Variants in MMP15 observed in about 807,000 individuals in gnomAD.
MMP15 encodes matrix metallopeptidase 15.
Under a neutral mutation model 65.0 loss-of-function variants are expected in MMP15, and 36 were observed. The ratio of observed to expected loss-of-function variants is 0.55; its 90% CI spans 0.42 to 0.73. The LOEUF is 0.73. Among genes scored for constraint, MMP15 ranks in the 30% least tolerant of loss-of-function variants. The pLI is 0.00. For missense variants in MMP15, 870 were observed against 987.8 expected (o/e 0.88, Z 1.60); for synonymous variants, 428 against 410.2 (o/e 1.04, Z -0.52).
Position 58,045,105 on chromosome 16 carries a change from A to G in MMP15, c.1669A>G (p.Met557Val). The stretch of plus-strand genomic sequence containing the variant: ...CCCCAAGTCCATCCTGCGGGACTTC[A>G]TGGGCTGCCAGGAGCACGTGGAGCC... ...GYPKSILRDFMGCQEHVEPGP... is the reference protein window; with the variant it reads ...GYPKSILRDFVGCQEHVEPGP... Residue 557 changes from methionine to valine, a missense_variant, in exon 10 of 10, where the codon ATG becomes GTG. Physicochemically the swap from Met to Val is conservative, Grantham distance 21. Transcript: ENST00000219271. 6.2e-7 allele frequency: 1 copy of G among 1,610,696 alleles called. No homozygotes were observed. Among genetic ancestry groups the G allele is most frequent in the Non-Finnish European group, 8.5e-7 (1 of 1,178,688 alleles).
intron 1 of MMP15, among the ~76,000 whole-genome samples, chr16:58,036,565 G>A (rs765484183): frequency 3.9e-5 from 6 of 152,226 alleles, no homozygotes; most frequent in Non-Finnish European, 7.3e-5. Context: ...CTTTTTCCAA[G>A]GCTGTTTTCC....
Position 58,045,474 on chromosome 16 carries a change from C to A in MMP15, c.*28C>A. On this transcript the variant is annotated 3_prime_UTR_variant, in exon 10 of 10. Coordinates refer to ENST00000219271, the MANE Select transcript of MMP15 (RefSeq NM_002428.4). ...ACCCAGCGCTCCTGCTAACGGTGCT[C>A]AGGGGGCGCCTGTGGTTCTGAGATG... 1.4e-6 allele frequency: 2 copies of A among 1,477,160 alleles called. No homozygotes were observed. Among genetic ancestry groups the A allele is most frequent in the South Asian group, 1.4e-5 (1 of 73,090 alleles). The allele number at this position is 1,477,160 out of a possible 1,614,324, so 91.5% of individuals were successfully genotyped here.
Position 58,040,543 on chromosome 16 carries a change from A to C in MMP15, c.755A>C (p.Asn252Thr). The change falls in exon 5 of 10, where the codon AAC becomes ACC. Residue 252 changes from asparagine (N) to threonine (T), a missense_variant. Transcript: ENST00000219271. ...CTCCTTCTCTCCCCAAAAGGAAACA[A>C]CCTCTTCCTGGTGGCAGTGCATGAG... ...TFSSTDLHGN[N>T]LFLVAVHELG... The C allele has an allele frequency of 6.2e-7, 1 of 1,612,656 alleles. No individual in the cohort carries two copies. Among genetic ancestry groups the C allele is most frequent in the Middle Eastern group, 1.8e-4 (1 of 5,702 alleles).
At chr16:58,029,649 G>C (rs955174581) in intron 1 of MMP15, among the ~76,000 whole-genome samples, 10 of 152,224 alleles carry the variant, frequency 6.6e-5, no homozygotes, top group East Asian at 1.9e-4. Flanking sequence ...TCCTTGCAGA[G>C]AACAGCCCAG....
At position 58,041,650 on chromosome 16, in the gene MMP15, C is replaced by T. The variant is rs1484611652; in HGVS notation, c.944C>T (p.Pro315Leu). 1.3e-6 allele frequency: 2 copies of T among 1,581,538 alleles called. No homozygotes were observed. Among genetic ancestry groups the T allele is most frequent in the East Asian group, 2.3e-5 (1 of 42,556 alleles). Residue 315 changes from proline (P) to leucine (L), a missense_variant, in exon 6 of 10, where the codon CCT becomes CTT. Physicochemically the swap from Pro to Leu is moderately conservative, Grantham distance 98 (BLOSUM62 -3). Transcript: ENST00000219271. ...TPDGQPQPTQPLPTVTPRRPG... is the reference protein window; with the variant it reads ...TPDGQPQPTQLLPTVTPRRPG... ...GACGGTCAGCCACAGCCTACCCAGC[C>T]TCTCCCCACTGTGACGCCACGGCGG... is the stretch of plus-strand genomic sequence containing the variant.
chr16:58,044,584 A>T lies in MMP15; in HGVS notation c.1571-423A>T, dbSNP rs41430649. The stretch of plus-strand genomic sequence containing the variant: ...TTGATGGGATGCTGGCAAGGTGCCC[A>T]AGGTCAGAGAGCCAGCCCAAGGCAG... On this transcript the variant is annotated intron_variant, in intron 9 of 9. Coordinates refer to ENST00000219271, the MANE Select transcript of MMP15 (RefSeq NM_002428.4). Among the ~76,000 whole-genome samples the T allele has an allele frequency of 4.1e-3, 627 of 152,312 alleles. 6 individuals carry two copies. The highest frequency in any genetic ancestry group is 0.014 in the African/African-American group (593 of 41,568).
Position 58,044,988 on chromosome 16 carries a change from G to A in MMP15, c.1571-19G>A. The A allele has an allele frequency of 6.2e-7, 1 of 1,613,002 alleles. No individual in the cohort carries two copies. Among genetic ancestry groups the A allele is most frequent in the Non-Finnish European group, 8.5e-7 (1 of 1,179,806 alleles). ...GTTCGGCTCAACCTGAAGCCACTCT[G>A]GCCTCCTTGCCCCTGCAGCCTACAC... is the stretch of plus-strand genomic sequence containing the variant. On this transcript the variant is annotated intron_variant, in intron 9 of 9. Coordinates refer to ENST00000219271, the MANE Select transcript of MMP15 (RefSeq NM_002428.4).
intron 1 of MMP15, among the ~76,000 whole-genome samples, chr16:58,028,623 C>T (rs1215863052): frequency 2.0e-5 from 3 of 152,214 alleles, no homozygotes; most frequent in Admixed American, 1.3e-4. Flanking sequence ...CTGGCTCTCT[C>T]ATCCTCACCC....
intron 7 of MMP15, among the ~76,000 whole-genome samples, 190 bp from the exon 8 acceptor site, chr16:58,043,020 C>T (rs571146834): frequency 1.3e-4 from 20 of 152,238 alleles, no homozygotes; most frequent in Admixed American, 1.1e-3. Context: ...GTGACTCTTG[C>T]TCACGGGAAC....
At chr16:58,026,573 T>G (rs887752192) in intron 1 of MMP15, 61 bp downstream of exon 1, 1 of 1,279,276 alleles carries the variant, frequency 7.8e-7, no homozygotes, top group Non-Finnish European at 9.9e-7. Flanking sequence ...AGGCGCCACG[T>G]CCGCAGGCTG....
chr16:58,040,417 C>A, intron 4 of MMP15, 120 bp from the exon 5 acceptor site: 4 of 1,289,680 alleles, frequency 3.1e-6, no homozygotes, highest in South Asian at 2.9e-5. Context: ...AAGAGCTCAG[C>A]CTCTTCCAAG....
chr16:58,040,609 A>G lies in MMP15; in HGVS notation c.821A>G (p.Asn274Ser), dbSNP rs147717123. ...ALGLEHSSNP[N>S]AIMAPFYQWK... The stretch of plus-strand genomic sequence containing the variant: ...GGGCTGGAGCACTCCAGCAACCCCA[A>G]TGCCATCATGGCGCCGTTCTACCAG... The change falls in exon 5 of 10, where the codon AAT (asparagine) becomes AGT (serine). Residue 274 changes from asparagine to serine, a missense_variant. Asn to Ser is a conservative substitution (Grantham distance 46). Transcript: ENST00000219271. 7.4e-5 allele frequency: 119 copies of G among 1,614,198 alleles called. No homozygotes were observed. The African/African-American group carries it at 8.4e-4, about 11-fold the overall frequency.
Position 58,026,127 on chromosome 16 carries a change from G to T in MMP15, c.-224G>T. The T allele has an allele frequency of 2.4e-6, 1 of 413,230 alleles. No homozygotes were observed. Among genetic ancestry groups the T allele is most frequent in the Non-Finnish European group, 4.1e-6 (1 of 245,004 alleles). The allele number at this position is 413,230 out of a possible 1,614,324, so 25.6% of individuals were successfully genotyped here. A position where few individuals can be genotyped will look rare whatever the true frequency, so the allele number is the denominator to read the frequency against. ...AACCTCGCCGGGGGCAGCTCCGGTC[G>T]GCCCCCTTTCCCGCCGGCTGGTTCC... On this transcript the variant is annotated 5_prime_UTR_variant, in exon 1 of 10. Coordinates refer to ENST00000219271, the MANE Select transcript of MMP15 (RefSeq NM_002428.4).
At chr16:58,027,226 C>T (rs1268359766) in intron 1 of MMP15, among the ~76,000 whole-genome samples, 1 of 152,240 alleles carries the variant, frequency 6.6e-6, no homozygotes, top group Non-Finnish European at 1.5e-5. Context: ...AGAGGGTGGA[C>T]CCCGCGCCTC....
At chr16:58,042,492 G>GGCTC in intron 7 of MMP15, 123 bp downstream of exon 7, 1 of 1,351,944 alleles carries the variant, frequency 7.4e-7, no homozygotes, top group Non-Finnish European at 1.0e-6. Flanking sequence ...CCCCACTGTG[G>GGCTC]GCTCACTCTG....
rs1959409723 is a variant in MMP15 at position 58,039,796 on chromosome 16, G to C, written c.441-79G>C. The stretch of plus-strand genomic sequence containing the variant: ...GACGGGCTTGTTGGTGACCTTGCGT[G>C]CACTCTTGGGAACATGCCAGCAGAG... On this transcript the variant is annotated intron_variant, in intron 3 of 9. Transcript: ENST00000219271. 3.5e-6 allele frequency: 5 copies of C among 1,419,488 alleles called. No homozygotes were observed. The South Asian group carries it at 5.6e-5, about 16-fold the overall frequency. The allele number at this position is 1,419,488 out of a possible 1,614,324, so 87.9% of individuals were successfully genotyped here. A position where few individuals can be genotyped will look rare whatever the true frequency, so the allele number is the denominator to read the frequency against.
At chr16:58,036,954 A>T (rs1959340493) in intron 1 of MMP15, among the ~76,000 whole-genome samples, 1 of 152,156 alleles carries the variant, frequency 6.6e-6, no homozygotes, top group African/African-American at 2.4e-5. Flanking sequence ...GGGAGGAAGG[A>T]GGGGGTGCAG....
Position 58,028,510 on chromosome 16 carries a change from G to T in MMP15, c.162+1998G>T, listed in dbSNP as rs182900625. On this transcript the variant is annotated intron_variant, in intron 1 of 9. Transcript: ENST00000219271. The stretch of plus-strand genomic sequence containing the variant: ...AGGTCTGGCCACATGTGGGCCCAAA[G>T]AGTCAAATGGCCTCAGCAGCCAGCC... 6.6e-3 allele frequency among the ~76,000 whole-genome samples: 1,012 copies of T among 152,320 alleles called. 5 individuals carry two copies. The highest frequency in any genetic ancestry group is 0.01 in the Non-Finnish European group (696 of 68,014).
At chr16:58,033,911 A>T (rs761972801) in intron 1 of MMP15, among the ~76,000 whole-genome samples, 12 of 152,352 alleles carry the variant, frequency 7.9e-5, no homozygotes, top group Non-Finnish European at 1.6e-4. Flanking sequence ...TCAAAAAAAG[A>T]AAAGAAATGG....
Sources: gnomAD v4.1 joint callset for allele counts (sites outside exome capture counted in the v4.1 genomes callset) on GRCh38, gnomAD v4.1.1 for gene constraint, MANE v1.5 for transcripts, NCBI Gene and HGNC (gene_info 2026-07-23, HGNC 2026-07-21) for gene names.